TYRP1: variants seen among roughly 807,000 people sequenced by gnomAD.
The protein encoded by TYRP1 is 5,6-dihydroxyindole-2-carboxylic acid oxidase.
A neutral mutation model predicts 42.8 loss-of-function variants in TYRP1; 49 were observed. That is an observed-to-expected ratio of 1.14 (90% confidence interval 0.91 to 1.45). TYRP1 has a LOEUF of 1.45. Ranked by LOEUF, TYRP1 falls within the 40% of genes most tolerant of loss-of-function variation. The pLI is 0.00. For synonymous variants in TYRP1, 279 were observed against 235.4 expected (o/e 1.19, Z -1.69); for missense variants, 848 against 662.0 (o/e 1.28, Z -3.08).
At position 12,708,990 on chromosome 9, in the gene TYRP1, T is replaced by C. The variant is rs142864538; in HGVS notation, c.1422T>C (p.Ser474=). The C allele has an allele frequency of 2.0e-4, 320 of 1,612,508 alleles. 1 individual carries two copies. The African/African-American group carries it at 3.9e-3, about 20-fold the overall frequency. The change falls in exon 8 of 8, where the codon AGT becomes AGC. Residue 474 remains serine (S), a synonymous_variant. Coordinates refer to ENST00000388918, the MANE Select transcript of TYRP1 (RefSeq NM_000550.3). ...YEIQWPSREF[S]VPEIIAIAVV... ...CTTTCCAAATAGGTCGGGAGTTTAG[T>C]GTACCTGAGATAATTGCCATAGCAG...
Position 12,695,587 on chromosome 9 carries a change from G to C in TYRP1, c.458G>C (p.Arg153Pro). The C allele has an allele frequency of 1.9e-6, 3 of 1,614,114 alleles. No individual in the cohort carries two copies. Among genetic ancestry groups the C allele is most frequent in the Non-Finnish European group, 2.5e-6 (3 of 1,180,012 alleles). ...HFVRALDMAK[R>P]TTHPLFVIAT... The stretch of plus-strand genomic sequence containing the variant: ...GTCCGGGCCCTGGATATGGCAAAGC[G>C]CACAACTCACCCTTTATTTGTCATT... The change falls in exon 3 of 8, where the codon CGC (arginine) becomes CCC (proline). Residue 153 changes from arginine (R) to proline (P), a missense_variant. By Grantham distance (103) the Arg-to-Pro change is moderately radical. Coordinates refer to ENST00000388918, the MANE Select transcript of TYRP1 (RefSeq NM_000550.3).
At chr9:12,698,430 A>T in intron 3 of TYRP1, 21 bp from the exon 4 acceptor site, 3 of 1,601,290 alleles carry the variant, frequency 1.9e-6, no homozygotes, top group Non-Finnish European at 2.6e-6. Context: ...AGAGAGTATT[A>T]ATGTGGTTTC....
chr9:12,708,890 T>TAGAC lies in TYRP1; in HGVS notation c.1409-85_1409-82dup, dbSNP rs1402790749. The TAGAC allele has an allele frequency of 4.9e-6, 6 of 1,220,682 alleles. No individual in the cohort carries two copies. In the African/African-American group the frequency reaches 6.0e-5, roughly 12 times the overall value. The allele number at this position is 1,220,682 out of a possible 1,614,324, so 75.6% of individuals were successfully genotyped here. ...TTAAATATGAGGATTTCTGTTAAAA[T>TAGAC]AGACATTTCTAAATTTCATCTGTCC... On this transcript the variant is annotated intron_variant, in intron 7 of 7. Transcript: ENST00000388918.
rs1818061137 is a variant in TYRP1, at chr9:12,695,496, G to C, written c.386-19G>C. On this transcript the variant is annotated intron_variant, in intron 2 of 7. Coordinates refer to ENST00000388918, the MANE Select transcript of TYRP1 (RefSeq NM_000550.3). Reference sequence around the variant, plus strand: ...CCGCAAGGCAGATGTTTTCATGCTTGAATTTTGTATCCCTAAAGTCAGGAG... The same window carrying C: ...CCGCAAGGCAGATGTTTTCATGCTTCAATTTTGTATCCCTAAAGTCAGGAG... The C allele has an allele frequency of 6.2e-7, 1 of 1,613,544 alleles. No individual in the cohort carries two copies. The highest frequency in any genetic ancestry group is 2.2e-5 in the East Asian group (1 of 44,844).
intron 5 of TYRP1, among the ~76,000 whole-genome samples, 187 bp from the exon 6 acceptor site, chr9:12,704,339 C>T (rs1818223385): frequency 6.6e-6 from 1 of 151,914 alleles, no homozygotes; most frequent in African/African-American, 2.4e-5. Flanking sequence ...ATAAAACCAG[C>T]CTAGCTCTGG....
At position 12,694,389 on chromosome 9, in the gene TYRP1, G is replaced by C; in HGVS notation, c.385+8G>C. ...ACCAGAGGGTTCTCATAGGTAAGTG[G>C]AGATATGAATGAGTTCATAAGTCCT... On this transcript the variant is annotated splice_region_variant and intron_variant, in intron 2 of 7. Transcript: ENST00000388918. 1 of 1,613,752 alleles carries C rather than the reference G, an allele frequency of 6.2e-7. No individual in the cohort carries two copies. The highest frequency in any genetic ancestry group is 1.1e-5 in the South Asian group (1 of 90,998).
In TYRP1 at chr9:12,695,846, G is replaced by A. The variant is rs199673499; in HGVS notation, c.708+9G>A. The A allele has an allele frequency of 1.2e-6, 2 of 1,613,624 alleles. No homozygotes were observed. Among genetic ancestry groups the A allele is most frequent in the Admixed American group, 1.7e-5 (1 of 60,012 alleles). On this transcript the variant is annotated intron_variant, in intron 3 of 7. Coordinates refer to ENST00000388918, the MANE Select transcript of TYRP1 (RefSeq NM_000550.3). ...TGGAGAAAGACATGCAGGTATGTAA[G>A]AAGCATTTCAGTTTGCAGACTCTTT...
chr9:12,699,534 T>TATTAA (rs71329875), intron 4 of TYRP1, among the ~76,000 whole-genome samples: 143,356 of 151,880 alleles, frequency 0.94, 67,827 homozygotes, highest in African/African-American at 0.98. Context: ...ATGCATCAAG[T>TATTAA]ATTATTTTAT....
chr9:12,695,748 A>T lies in TYRP1; in HGVS notation c.619A>T (p.Ser207Cys), dbSNP rs781481536. ...KKTFLGVGQE[S>C]FGEVDFSHEG... ...GACTTTCCTTGGGGTAGGACAGGAA[A>T]GCTTTGGTGAAGTGGATTTCTCTCA... The change falls in exon 3 of 8, where the codon AGC (serine) becomes TGC (cysteine). Residue 207 changes from serine (S) to cysteine (C), a missense_variant. Transcript: ENST00000388918. The T allele has an allele frequency of 1.6e-5, 26 of 1,614,132 alleles. No individual in the cohort carries two copies. Among genetic ancestry groups the T allele is most frequent in the Non-Finnish European group, 2.2e-5 (26 of 1,179,998 alleles).
chr9:12,704,674 CTT>C lies in TYRP1; in HGVS notation c.1232_1233del (p.Phe411Ter). On this transcript the variant is annotated frameshift_variant, in exon 6 of 8. Transcript: ENST00000388918. LOFTEE classifies it high-confidence loss of function. Reference sequence around the variant, plus strand: ...TCCTGCACACCTTCACAGATGCAGTCTTTGATGAATGGCTGAGGAGATACAAT... The same window carrying C: ...TCCTGCACACCTTCACAGATGCAGTCTGATGAATGGCTGAGGAGATACAAT... ...VLLHTFTDAV[F>X]DEWLRRYNAD... 6.2e-7 allele frequency: 1 copy of C among 1,613,054 alleles called. No individual in the cohort carries two copies. Among genetic ancestry groups the C allele is most frequent in the African/African-American group, 1.3e-5 (1 of 74,940 alleles).
At chr9:12,694,965 T>A (rs1281274403) in intron 2 of TYRP1, among the ~76,000 whole-genome samples, 2 of 152,196 alleles carry the variant, frequency 1.3e-5, no homozygotes, top group African/African-American at 4.8e-5. Flanking sequence ...AGGGTTTAAA[T>A]GAACATGTAT....
chr9:12,695,299 T>A (rs1043005433), intron 2 of TYRP1, among the ~76,000 whole-genome samples: 2 of 152,034 alleles, frequency 1.3e-5, no homozygotes, highest in African/African-American at 4.8e-5. Context: ...ATATAAATCA[T>A]GCAGTAAATT....
chr9:12,694,470 C>T (rs1818045271), intron 2 of TYRP1, 89 bp downstream of exon 2: 1 of 1,486,528 alleles, frequency 6.7e-7, no homozygotes, highest in Admixed American at 1.9e-5. Context: ...GGAGGAATAC[C>T]TGGAAATCAT....
intron 4 of TYRP1, 83 bp downstream of exon 4, chr9:12,698,738 T>C: frequency 7.8e-7 from 1 of 1,285,828 alleles, no homozygotes; most frequent in Non-Finnish European, 1.1e-6. Context: ...CCCTTCATTC[T>C]ACTAGAGAAT....
chr9:12,706,619 A>G (rs1032605591), intron 6 of TYRP1, among the ~76,000 whole-genome samples: 2 of 152,030 alleles, frequency 1.3e-5, no homozygotes, highest in Admixed American at 6.6e-5. Context: ...TGGCCATAAA[A>G]TTATAGGATA....
chr9:12,709,303 A>AGAATT lies in TYRP1; in HGVS notation c.*122_*123insAATTG. 1.9e-6 allele frequency: 2 copies of AGAATT among 1,075,534 alleles called. No homozygotes were observed. The highest frequency in any genetic ancestry group is 2.8e-6 in the Non-Finnish European group (2 of 717,332). 66.6% of individuals were successfully genotyped at this position (1,075,534 alleles called of 1,614,324 possible). A position where few individuals can be genotyped will look rare whatever the true frequency, so the allele number is the denominator to read the frequency against. The stretch of plus-strand genomic sequence containing the variant: ...CTTCTTTCTAATACAAGCATATGTT[A>AGAATT]GCATTAAAGTTCTAGGCATACTTTT... On this transcript the variant is annotated 3_prime_UTR_variant, in exon 8 of 8. Coordinates refer to ENST00000388918, the MANE Select transcript of TYRP1 (RefSeq NM_000550.3).
At chr9:12,701,578 AATC>A (rs1818169472) in intron 4 of TYRP1, 1 of 151,656 alleles carries the variant, frequency 6.6e-6, no homozygotes, top group Admixed American at 6.6e-5. Flanking sequence ...GCTTTGTGTA[AATC>A]TCTCTTCTTT....
rs150481218 is a variant in TYRP1 at position 12,701,368 on chromosome 9, G to C, written c.914-903G>C. Among the ~76,000 whole-genome samples the C allele has an allele frequency of 1.9e-3, 295 of 151,654 alleles. 1 individual carries two copies. Among genetic ancestry groups the C allele is most frequent in the African/African-American group, 7.0e-3 (288 of 41,372 alleles). On this transcript the variant is annotated intron_variant, in intron 4 of 7. Transcript: ENST00000388918. Reference sequence around the variant, plus strand: ...GCTAACATGATCTTTTCCATATAATGACAGGCACCAAACAACTCTTCAGCA... The same window carrying C: ...GCTAACATGATCTTTTCCATATAATCACAGGCACCAAACAACTCTTCAGCA...
chr9:12,695,873 C>T, intron 3 of TYRP1, 36 bp downstream of exon 3: 1 of 1,596,228 alleles, frequency 6.3e-7, no homozygotes, highest in Admixed American at 1.7e-5. Context: ...AGACTCTTTA[C>T]AGACAAGATG....
Sources: allele counts gnomAD v4.1 joint callset (sites outside exome capture counted in the v4.1 genomes callset), GRCh38; gene constraint gnomAD v4.1.1; transcripts MANE v1.5; gene names NCBI Gene and HGNC (gene_info 2026-07-23, HGNC 2026-07-21).